Variants in SDF2 observed in about 807,000 individuals in gnomAD.
SDF2 encodes the protein stromal cell derived factor 2.
SDF2 carries 12 observed loss-of-function variants against 20.5 expected under a neutral mutation model. The observed-to-expected ratio is 0.58, with a 90% CI of 0.37 to 0.95. The LOEUF (loss-of-function observed/expected upper bound fraction) is 0.95. SDF2 is among the 40% of genes least tolerant of loss of function. The pLI, the probability that SDF2 is intolerant of heterozygous loss-of-function variation, is 0.01. For synonymous variants in SDF2, 100 were observed against 101.0 expected (o/e 0.99, Z 0.06); for missense variants, 238 against 263.1 (o/e 0.90, Z 0.66).
At position 28,648,842 on chromosome 17, in the gene SDF2, A is replaced by G; in HGVS notation, c.*147T>C. On this transcript the variant is annotated 3_prime_UTR_variant, in exon 3 of 3. Coordinates refer to ENST00000247020, the MANE Select transcript of SDF2 (RefSeq NM_006923.4). ...TCAAATGTGCAGGGCTGAAGCTTCC[A>G]AACACAGCCACTATTTTCTGTTGTA... 1 of 805,934 alleles carries G rather than the reference A, an allele frequency of 1.2e-6. No homozygotes were observed. The highest frequency in any genetic ancestry group is 2.0e-6 in the Non-Finnish European group (1 of 509,536). 49.9% of individuals were successfully genotyped at this position (805,934 alleles called of 1,614,324 possible).
chr17:28,659,613 A>G (rs1431401102), intron 1 of SDF2, among the ~76,000 whole-genome samples: 40 of 114,024 alleles, frequency 3.5e-4, no homozygotes, highest in South Asian at 6.6e-4. Context: ...CGGGGCGGCC[A>G]GGCAGAGGCG....
At position 28,648,804 on chromosome 17, in the gene SDF2, G is replaced by A. The variant is rs1221986359; in HGVS notation, c.*185C>T. The A allele has an allele frequency of 1.6e-6, 1 of 629,070 alleles. No homozygotes were observed. Among genetic ancestry groups the A allele is most frequent in the Non-Finnish European group, 2.8e-6 (1 of 362,712 alleles). The allele number at this position is 629,070 out of a possible 1,614,324, so 39.0% of individuals were successfully genotyped here. A position where few individuals can be genotyped will look rare whatever the true frequency, so the allele number is the denominator to read the frequency against. On this transcript the variant is annotated 3_prime_UTR_variant, in exon 3 of 3. Transcript: ENST00000247020. Reference sequence around the variant, plus strand: ...AAAGAACTGACCCACGCAAGTCTGGGAGAGTGACTAGTTCAAATGTGCAGG... The same window carrying A: ...AAAGAACTGACCCACGCAAGTCTGGAAGAGTGACTAGTTCAAATGTGCAGG...
rs117513365 is a variant in SDF2, at chr17:28,654,275, A to G, written c.348+1012T>C. ...AAGATCACACTACAACCTGGGTGACAGAGCAAGACCCTGTTTAAAAACAAA... is the reference window on the plus strand; with the variant it reads ...AAGATCACACTACAACCTGGGTGACGGAGCAAGACCCTGTTTAAAAACAAA... On this transcript the variant is annotated intron_variant, in intron 2 of 2. Transcript: ENST00000247020. Among the ~76,000 whole-genome samples the G allele has an allele frequency of 4.2e-4, 64 of 152,266 alleles. No individual in the cohort carries two copies. The East Asian group carries it at 7.5e-3, about 18-fold the overall frequency.
intron 1 of SDF2, among the ~76,000 whole-genome samples, chr17:28,659,212 TGGC>T (rs2071997245): frequency 4.3e-5 from 2 of 46,538 alleles, no homozygotes; most frequent in Admixed American, 2.8e-4. Context: ...CCAGACGGGG[TGGC>T]GGCCAGGCAG....
At chr17:28,661,914 A>C, upstream of SDF2, 3 of 1,580,456 alleles carry the variant, frequency 1.9e-6, no homozygotes, top group Admixed American at 5.2e-5. Context: ...TTCGAAGAAA[A>C]CTCGGCCCCT....
chr17:28,655,273 G>A lies in SDF2; in HGVS notation c.348+14C>T, dbSNP rs771299392. ...TAATGCAGAGCAGCAACAATCCATC[G>A]AAAGCCACCTCACCTGGTTTCCAGA... On this transcript the variant is annotated intron_variant, in intron 2 of 2. Coordinates refer to ENST00000247020, the MANE Select transcript of SDF2 (RefSeq NM_006923.4). The A allele has an allele frequency of 2.5e-6, 4 of 1,613,316 alleles. No homozygotes were observed. The highest frequency in any genetic ancestry group is 3.3e-5 in the Admixed American group (2 of 60,022).
At position 28,661,681 on chromosome 17, in the gene SDF2, C is replaced by A. The variant is rs763757012; in HGVS notation, c.151+45G>T. 2.5e-6 allele frequency: 4 copies of A among 1,592,284 alleles called. No individual in the cohort carries two copies. The African/African-American group carries it at 4.0e-5, about 16-fold the overall frequency. On this transcript the variant is annotated intron_variant, in intron 1 of 2. Transcript: ENST00000247020. The stretch of plus-strand genomic sequence containing the variant: ...TCTATAGGCCCCGCCCCTCCAGAGC[C>A]TCCGAGTCCTCCCTAGCCCACCCGA...
intron 1 of SDF2, chr17:28,660,758 A>G: frequency 6.3e-6 from 1 of 159,918 alleles, no homozygotes; most frequent in South Asian, 1.6e-4. Flanking sequence ...CATGAACCAG[A>G]CTAGCCCACC....
In SDF2 at chr17:28,649,748, GA is replaced by G. The variant is rs1221611091; in HGVS notation, c.349-473del. On this transcript the variant is annotated intron_variant, in intron 2 of 2. Coordinates refer to ENST00000247020, the MANE Select transcript of SDF2 (RefSeq NM_006923.4). ...AAACTCTGTCTCAAAAAAAAAAAAA[GA>G]AAAAAAAAAAAGAAATTAGCTGGGC... is the stretch of plus-strand genomic sequence containing the variant. Among the ~76,000 whole-genome samples the G allele has an allele frequency of 6.1e-3, 683 of 111,700 alleles. 4 individuals are homozygous for G. Among genetic ancestry groups the G allele is most frequent in the African/African-American group, 0.02 (596 of 30,170 alleles). The allele number at this position is 111,700 out of a possible 152,430, so 73.3% of individuals were successfully genotyped here. A position where few individuals can be genotyped will look rare whatever the true frequency, so the allele number is the denominator to read the frequency against.
chr17:28,658,863 G>C (rs986247452), intron 1 of SDF2, among the ~76,000 whole-genome samples: 1 of 151,946 alleles, frequency 6.6e-6, no homozygotes, highest in African/African-American at 2.4e-5. Flanking sequence ...TCACTTCCCA[G>C]ACGGGGCGGC....
At chr17:28,655,136 A>C in intron 2 of SDF2, 151 bp downstream of exon 2, 1 of 754,344 alleles carries the variant, frequency 1.3e-6, no homozygotes, top group Non-Finnish European at 2.2e-6. Flanking sequence ...CTCAAAAACA[A>C]CAAAAACCCA....
intron 2 of SDF2, among the ~76,000 whole-genome samples, chr17:28,650,788 A>C (rs138028274): frequency 8.2e-6 from 1 of 122,676 alleles, no homozygotes; most frequent in African/African-American, 3.1e-5. Flanking sequence ...GGATGACAAG[A>C]GTGAGACTTT....
chr17:28,652,779 C>CT (rs1211511309), intron 2 of SDF2, among the ~76,000 whole-genome samples: 2 of 152,158 alleles, frequency 1.3e-5, no homozygotes, highest in Non-Finnish European at 2.9e-5. Context: ...CAAGATGAGC[C>CT]TGGAGCATCT....
At chr17:28,656,286 T>A (rs1394804673) in intron 1 of SDF2, 1 of 150,870 alleles carries the variant, frequency 6.6e-6, no homozygotes, top group Non-Finnish European at 1.5e-5. Flanking sequence ...TTCTTTTAAA[T>A]AAAAAAAAAA....
intron 2 of SDF2, 148 bp from the exon 3 acceptor site, chr17:28,649,424 T>C: frequency 2.8e-6 from 2 of 722,842 alleles, no homozygotes; most frequent in Middle Eastern, 3.6e-4. Context: ...TTTGGGAAGC[T>C]GAGCAGGGCA....
In SDF2 at chr17:28,657,264, G is replaced by C. The variant is rs553238149; in HGVS notation, c.152-1781C>G. Among the ~76,000 whole-genome samples, 26 of 152,036 alleles carry C rather than the reference G, an allele frequency of 1.7e-4. 1 individual carries two copies. The South Asian group carries it at 5.4e-3, about 32-fold the overall frequency. On this transcript the variant is annotated intron_variant, in intron 1 of 2. Coordinates refer to ENST00000247020, the MANE Select transcript of SDF2 (RefSeq NM_006923.4). ...AAAACAAAACAAAAAATGTATCCTT[G>C]GAGGTCTGGCACAGTGGCTCATGCC...
rs182305076 is a variant in SDF2 at position 28,657,088 on chromosome 17, G to A, written c.152-1605C>T. On this transcript the variant is annotated intron_variant, in intron 1 of 2. Transcript: ENST00000247020. ...CTAAAAATATAAAAATTAGCTGGGC[G>A]TGGTCGCATGTGCCTGTAATCCCAG... Among the ~76,000 whole-genome samples the A allele has an allele frequency of 3.2e-3, 490 of 152,120 alleles. 1 individual carries two copies. The highest frequency in any genetic ancestry group is 0.012 in the African/African-American group (478 of 41,510).
In SDF2 at chr17:28,655,418, G is replaced by C; in HGVS notation, c.217C>G (p.Arg73Gly). Residue 73 changes from arginine to glycine, a missense_variant, in exon 2 of 3, where the codon CGG (arginine) becomes GGG (glycine). Coordinates refer to ENST00000247020, the MANE Select transcript of SDF2 (RefSeq NM_006923.4). ...VDDSNSYWRI[R>G]GKSATVCERG... ...TCACACACTGTGGCACTCTTCCCCCGTATCCTCCAGTAACTGTTGCTGTCA... is the reference window on the plus strand; with the variant it reads ...TCACACACTGTGGCACTCTTCCCCCCTATCCTCCAGTAACTGTTGCTGTCA... The C allele has an allele frequency of 2.5e-6, 4 of 1,614,052 alleles. No individual in the cohort carries two copies. The highest frequency in any genetic ancestry group is 3.4e-6 in the Non-Finnish European group (4 of 1,179,948).
At chr17:28,651,322 G>A (rs529395026) in intron 2 of SDF2, among the ~76,000 whole-genome samples, 38 of 152,124 alleles carry the variant, frequency 2.5e-4, no homozygotes, top group Non-Finnish European at 8.8e-5. Context: ...CCTCAGCGTA[G>A]TAAAGTGCTG....
Sources: allele counts gnomAD v4.1 joint callset (sites outside exome capture counted in the v4.1 genomes callset), GRCh38; gene constraint gnomAD v4.1.1; transcripts MANE v1.5; gene names NCBI Gene and HGNC (gene_info 2026-07-23, HGNC 2026-07-21).